Variants in TECPR2 observed in about 807,000 individuals in gnomAD.
TECPR2 encodes tectonin beta-propeller repeat containing 2.
A neutral mutation model predicts 138.1 loss-of-function variants in TECPR2; 65 were observed. That is an observed-to-expected ratio of 0.47 (90% CI 0.39 to 0.58). The LOEUF is 0.58. Ranked by LOEUF, TECPR2 falls within the 20% of genes least tolerant of loss-of-function variation. The pLI is 0.00. For synonymous variants in TECPR2, 746 were observed against 749.8 expected, an observed-to-expected ratio of 0.99 and a Z score of 0.08; for missense variants, 1,553 against 1,824.5, an observed-to-expected ratio of 0.85 and a Z score of 2.71.
At chr14:102,398,141 A>G (rs900880607) in intron 2 of TECPR2, among the ~76,000 whole-genome samples, 2 of 151,946 alleles carry the variant, frequency 1.3e-5, no homozygotes, top group Non-Finnish European at 2.9e-5. Context: ...TAAAATGTAA[A>G]TATAAATAAA....
At chr14:102,483,967 T>G (rs2139789758) in intron 17 of TECPR2, among the ~76,000 whole-genome samples, 2 of 96,880 alleles carry the variant, frequency 2.1e-5, no homozygotes, top group Non-Finnish European at 4.1e-5. Context: ...TGGCTGATTC[T>G]TATATTTTCA....
intron 17 of TECPR2, among the ~76,000 whole-genome samples, chr14:102,494,840 A>C (rs890324504): frequency 3.3e-5 from 5 of 151,460 alleles, no homozygotes; most frequent in Non-Finnish European, 7.4e-5. Context: ...AAAAAAAAAA[A>C]AACTAAACTA....
intron 17 of TECPR2, among the ~76,000 whole-genome samples, chr14:102,490,737 C>T (rs1595150425): frequency 6.6e-6 from 1 of 152,328 alleles, no homozygotes; most frequent in African/African-American, 2.4e-5. Flanking sequence ...TTCCATCGGC[C>T]TCTTAGGGCC....
chr14:102,371,097 G>C (rs936437561), intron 1 of TECPR2, among the ~76,000 whole-genome samples: 2 of 152,152 alleles, frequency 1.3e-5, no homozygotes, highest in Non-Finnish European at 2.9e-5. Context: ...GTAGTTTTAG[G>C]AGCATTGGGA....
Position 102,487,429 on chromosome 14 carries a change from A to T in TECPR2, c.3790-9550A>T, listed in dbSNP as rs377238202. Among the ~76,000 whole-genome samples the T allele has an allele frequency of 1.3e-4, 20 of 152,270 alleles. No individual in the cohort carries two copies. The South Asian group carries it at 3.7e-3, about 28-fold the overall frequency. On this transcript the variant is annotated intron_variant, in intron 17 of 19. Coordinates refer to ENST00000359520, the MANE Select transcript of TECPR2 (RefSeq NM_014844.5). ...ACATTCTGACTGAGGAACATGTGTG[A>T]GTGTGTGTGTGCGTGCGCACACGTG...
chr14:102,387,337 T>A (rs1462847814), intron 2 of TECPR2, among the ~76,000 whole-genome samples: 1 of 152,186 alleles, frequency 6.6e-6, no homozygotes, highest in African/African-American at 2.4e-5. Flanking sequence ...GAGAAAATGT[T>A]GCAAGGAGCT....
chr14:102,428,605 A>G (rs1567336609), intron 7 of TECPR2, among the ~76,000 whole-genome samples: 4 of 151,700 alleles, frequency 2.6e-5, no homozygotes, highest in Admixed American at 2.0e-4. Context: ...TACCAAAAAT[A>G]CAAAAAACTA....
At chr14:102,471,294 G>T (rs774501226) in intron 17 of TECPR2, among the ~76,000 whole-genome samples, 2 of 152,060 alleles carry the variant, frequency 1.3e-5, no homozygotes, top group Admixed American at 1.3e-4. Context: ...ATTCTTTCTA[G>T]GAATTTGTTC....
intron 4 of TECPR2, among the ~76,000 whole-genome samples, chr14:102,409,002 C>T (rs866227985): frequency 3.9e-5 from 6 of 152,158 alleles, no homozygotes; most frequent in Non-Finnish European, 8.8e-5. Context: ...TGTGAGATGA[C>T]CTCATGTGAC....
chr14:102,363,436 G>A (rs1597754359), intron 1 of TECPR2, among the ~76,000 whole-genome samples: 1 of 150,308 alleles, frequency 6.7e-6, no homozygotes, highest in Non-Finnish European at 1.5e-5. Flanking sequence ...CCTGCATCCC[G>A]GCTGCCGGTC....
Position 102,465,164 on chromosome 14 carries a change from G to T in TECPR2, c.3664G>T (p.Ala1222Ser). 6.2e-7 allele frequency: 1 copy of T among 1,614,184 alleles called. No homozygotes were observed. The highest frequency in any genetic ancestry group is 1.3e-5 in the African/African-American group (1 of 75,058). ...AGGAGCTGTAAAATTGACAAGCTTGGCATGTGGAAATCAGCACATCTGGGC... is the reference window on the plus strand; with the variant it reads ...AGGAGCTGTAAAATTGACAAGCTTGTCATGTGGAAATCAGCACATCTGGGC... ...QLGAVKLTSL[A>S]CGNQHIWACD... The change falls in exon 17 of 20, where the codon GCA becomes TCA. Residue 1222 changes from alanine (A) to serine (S), a missense_variant. Coordinates refer to ENST00000359520, the MANE Select transcript of TECPR2 (RefSeq NM_014844.5).
At chr14:102,381,783 C>G (rs1484295956) in intron 2 of TECPR2, among the ~76,000 whole-genome samples, 4 of 152,120 alleles carry the variant, frequency 2.6e-5, no homozygotes, top group African/African-American at 9.7e-5. Flanking sequence ...ATGGTAAATA[C>G]CTGGGTAATA....
At position 102,443,655 on chromosome 14, in the gene TECPR2, G is replaced by T. The variant is rs760730551; in HGVS notation, c.2761G>T (p.Val921Leu). Residue 921 changes from valine (V) to leucine (L), a missense_variant, in exon 12 of 20, where the codon GTG becomes TTG. Val to Leu is a conservative substitution (Grantham distance 32). Transcript: ENST00000359520. The surrounding 1 kb of genome is among the most constrained non-coding windows in gnomAD (Gnocchi z 4.9). ...GDLYLQTGLS[V>L]DRPCARAVKV... The stretch of plus-strand genomic sequence containing the variant: ...TCCCATCTTCCTGGCAGGTCTGAGC[G>T]TGGATCGCCCTTGTGCCAGAGCCGT... 1.3e-6 allele frequency: 2 copies of T among 1,587,082 alleles called. No individual in the cohort carries two copies. Among genetic ancestry groups the T allele is most frequent in the Non-Finnish European group, 1.7e-6 (2 of 1,160,540 alleles).
chr14:102,408,868 G>T (rs1433082569), intron 4 of TECPR2, among the ~76,000 whole-genome samples: 2 of 152,126 alleles, frequency 1.3e-5, no homozygotes, highest in South Asian at 2.1e-4. Context: ...ACTTGAAAAA[G>T]AAGCTATTAT....
At position 102,428,222 on chromosome 14, in the gene TECPR2, G is replaced by GTTTTTTTTTTTTTTTTTT. The variant is rs565236204; in HGVS notation, c.952-23_952-6dup. The GTTTTTTTTTTTTTTTTTT allele has an allele frequency of 7.0e-5, 74 of 1,058,610 alleles. 2 individuals are homozygous for GTTTTTTTTTTTTTTTTTT. Among genetic ancestry groups the GTTTTTTTTTTTTTTTTTT allele is most frequent in the South Asian group, 3.1e-4 (16 of 51,628 alleles). The allele number at this position is 1,058,610 out of a possible 1,614,324, so 65.6% of individuals were successfully genotyped here. On this transcript the variant is annotated intron_variant, in intron 6 of 19. Coordinates refer to ENST00000359520, the MANE Select transcript of TECPR2 (RefSeq NM_014844.5). The stretch of plus-strand genomic sequence containing the variant: ...ACCGTTGTTTAGTTTTGTGTTTTTT[G>GTTTTTTTTTTTTTTTTTT]TTTTTTTTTTTTTTTTTTTTTTGAC...
chr14:102,396,062 G>A (rs1384961161), intron 2 of TECPR2, among the ~76,000 whole-genome samples: 1 of 151,714 alleles, frequency 6.6e-6, no homozygotes, highest in African/African-American at 2.4e-5. Flanking sequence ...TTTTGAGCAG[G>A]TGTTGGGGGA....
chr14:102,393,702 G>T (rs1888239780), intron 2 of TECPR2, among the ~76,000 whole-genome samples: 2 of 152,152 alleles, frequency 1.3e-5, no homozygotes, highest in Admixed American at 1.3e-4. Flanking sequence ...GAGATTACAG[G>T]TGCGCACCAC....
chr14:102,432,199 T>TCC, intron 8 of TECPR2, 71 bp downstream of exon 8: 1 of 1,385,488 alleles, frequency 7.2e-7, no homozygotes, highest in East Asian at 2.5e-5. Flanking sequence ...GTGCTGCTGC[T>TCC]CACTGAGTGA....
chr14:102,436,509 G>C (rs1446565539), intron 9 of TECPR2, among the ~76,000 whole-genome samples: 1 of 152,060 alleles, frequency 6.6e-6, no homozygotes, highest in Non-Finnish European at 1.5e-5. Context: ...TTGTAGAGAA[G>C]GGGTTTTGCC....
Sources: allele counts gnomAD v4.1 joint callset (sites outside exome capture counted in the v4.1 genomes callset), GRCh38; gene constraint gnomAD v4.1.1; non-coding constraint Gnocchi (gnomAD v3.1); transcripts MANE v1.5; gene names NCBI Gene and HGNC (gene_info 2026-07-23, HGNC 2026-07-21).